CC2D2A: variants seen among roughly 807,000 people sequenced by gnomAD.
CC2D2A encodes the protein coiled-coil and C2 domain containing 2A, also known as coiled-coil and C2 domain-containing protein 2A.
In CC2D2A, 155 loss-of-function variants were observed where a neutral mutation model predicts 212.9. The ratio of observed to expected loss-of-function variants is 0.73; its 90% CI spans 0.64 to 0.83. CC2D2A has a LOEUF of 0.83. Ranked by LOEUF, CC2D2A falls within the 40% of genes least tolerant of loss-of-function variation. The pLI is 0.00. For synonymous variants in CC2D2A, 667 were observed against 686.5 expected, an observed-to-expected ratio of 0.97 and a Z score of 0.44; for missense variants, 1,856 against 1,956.2, an observed-to-expected ratio of 0.95 and a Z score of 0.97.
chr4:15,548,417 C>T (rs967059897), intron 17 of CC2D2A, among the ~76,000 whole-genome samples: 6 of 152,104 alleles, frequency 3.9e-5, no homozygotes, highest in Non-Finnish European at 5.9e-5. Context: ...GTGACCAGCA[C>T]AGGGAACACC....
At chr4:15,503,651 A>G (rs1256526268) in intron 6 of CC2D2A, among the ~76,000 whole-genome samples, 3 of 152,142 alleles carry the variant, frequency 2.0e-5, no homozygotes, top group African/African-American at 7.2e-5. Context: ...TGAATGTCAC[A>G]TTCAGGAGCC....
intron 4 of CC2D2A, among the ~76,000 whole-genome samples, chr4:15,489,174 A>G (rs1715167308): frequency 1.3e-5 from 2 of 152,242 alleles, no homozygotes; most frequent in Admixed American, 6.5e-5. Flanking sequence ...GAAAGTTCAG[A>G]ATCGAGTGAA....
intron 14 of CC2D2A, 99 bp from the exon 15 acceptor site, chr4:15,536,821 G>T: frequency 9.0e-7 from 1 of 1,106,436 alleles, no homozygotes; most frequent in South Asian, 1.6e-5. Flanking sequence ...TTTAGAAGAG[G>T]AACTGGCACA....
At chr4:15,601,035 C>T (rs940946977) in intron 36 of CC2D2A, among the ~76,000 whole-genome samples, 2 of 152,038 alleles carry the variant, frequency 1.3e-5, no homozygotes, top group African/African-American at 4.8e-5. Context: ...TAACAGGTGG[C>T]TTATACACCT....
At chr4:15,548,942 G>T (rs1226127011) in intron 17 of CC2D2A, among the ~76,000 whole-genome samples, 1 of 152,144 alleles carries the variant, frequency 6.6e-6, no homozygotes, top group Non-Finnish European at 1.5e-5. Flanking sequence ...AAATGTTACA[G>T]AATTTTTTGA....
At chr4:15,579,639 A>G (rs1159208038) in intron 29 of CC2D2A, among the ~76,000 whole-genome samples, 1 of 152,202 alleles carries the variant, frequency 6.6e-6, no homozygotes, top group Non-Finnish European at 1.5e-5. Flanking sequence ...ACAAAACTCT[A>G]CTGCCTAATT....
intron 17 of CC2D2A, among the ~76,000 whole-genome samples, chr4:15,549,568 TGAG>T (rs1330065412): frequency 6.6e-6 from 1 of 152,166 alleles, no homozygotes; most frequent in Non-Finnish European, 1.5e-5. Context: ...ATGGGGAAGC[TGAG>T]GAGGGCAGAT....
At chr4:15,509,504 C>T (rs1716440836) in intron 6 of CC2D2A, among the ~76,000 whole-genome samples, 2 of 152,118 alleles carry the variant, frequency 1.3e-5, no homozygotes, top group African/African-American at 4.8e-5. Flanking sequence ...GAACTCCTGA[C>T]CTCAGGTGAT....
At chr4:15,599,731 T>C (rs1287964467) in intron 36 of CC2D2A, 25 bp downstream of exon 36, 25 of 1,543,608 alleles carry the variant, frequency 1.6e-5, no homozygotes, top group Non-Finnish European at 2.2e-5. Context: ...GATCCTAAAC[T>C]GACTGTGGAT....
At chr4:15,485,887 A>G (rs1417221529) in intron 4 of CC2D2A, among the ~76,000 whole-genome samples, 2 of 152,216 alleles carry the variant, frequency 1.3e-5, no homozygotes, top group East Asian at 3.9e-4. Context: ...TCAGAGGAGT[A>G]ATTTGCAAAT....
At chr4:15,473,015 C>G (rs999899061) in intron 1 of CC2D2A, among the ~76,000 whole-genome samples, 13 of 152,190 alleles carry the variant, frequency 8.5e-5, no homozygotes, top group African/African-American at 2.9e-4. Context: ...GTTGTTTCTC[C>G]ATGTGTTTTC....
At chr4:15,579,328 CAA>C (rs60958258) in intron 29 of CC2D2A, among the ~76,000 whole-genome samples, 7 of 138,042 alleles carry the variant, frequency 5.1e-5, no homozygotes, top group Admixed American at 7.2e-5. Flanking sequence ...GACCCTGTCT[CAA>C]AAAAAAAAAA....
At chr4:15,582,454 C>G (rs1720701792) in intron 30 of CC2D2A, among the ~76,000 whole-genome samples, 1 of 151,746 alleles carries the variant, frequency 6.6e-6, no homozygotes, top group Admixed American at 6.6e-5. Flanking sequence ...AATCAACAAA[C>G]CTTTAGCTGG....
intron 33 of CC2D2A, 135 bp downstream of exon 33, chr4:15,589,814 T>C (rs1215427860): frequency 2.3e-5 from 4 of 175,452 alleles, no homozygotes; most frequent in East Asian, 2.9e-4. Context: ...CATATATATA[T>C]ACCAGTTAAA....
chr4:15,584,304 C>G (rs1343534856), intron 30 of CC2D2A, among the ~76,000 whole-genome samples: 1 of 152,144 alleles, frequency 6.6e-6, no homozygotes, highest in Non-Finnish European at 1.5e-5. Context: ...TAAAAACCCA[C>G]ATAGACCAAT....
chr4:15,500,107 G>GTGTGTGTGTATATATATATATATATA (rs1479141284), intron 4 of CC2D2A, among the ~76,000 whole-genome samples: 1 of 112,932 alleles, frequency 8.9e-6, no homozygotes, highest in Non-Finnish European at 1.8e-5. Context: ...GTGTGTGTGT[G>GTGTGTGTGTATATATATATATATATA]TATATATATA....
chr4:15,517,029 G>C (rs1233617665), intron 11 of CC2D2A, among the ~76,000 whole-genome samples: 5 of 144,620 alleles, frequency 3.5e-5, no homozygotes, highest in Admixed American at 2.9e-4. Flanking sequence ...CTCACTGCAG[G>C]CTCCGCCTCC....
At chr4:15,561,844 G>T (rs1719617631) in intron 23 of CC2D2A, among the ~76,000 whole-genome samples, 2 of 152,152 alleles carry the variant, frequency 1.3e-5, no homozygotes, top group South Asian at 4.1e-4. Context: ...TGTCCTGGCA[G>T]AGTGATTAAA....
At chr4:15,515,593 T>C (rs566583329) in intron 9 of CC2D2A, among the ~76,000 whole-genome samples, 1 of 152,326 alleles carries the variant, frequency 6.6e-6, no homozygotes, top group Admixed American at 6.5e-5. Context: ...TTGTCTCTCA[T>C]CCTATGATTT....
Sources: allele counts gnomAD v4.1 joint callset (sites outside exome capture counted in the v4.1 genomes callset), GRCh38; gene constraint gnomAD v4.1.1; transcripts MANE v1.5; gene names NCBI Gene and HGNC (gene_info 2026-07-23, HGNC 2026-07-21).